ATP9A: variants seen among roughly 807,000 people sequenced by gnomAD.
ATP9A encodes probable phospholipid-transporting ATPase IIA.
Under a neutral mutation model 144.1 loss-of-function variants are expected in ATP9A, and 52 were observed. That is an observed-to-expected ratio of 0.36 (90% CI 0.29 to 0.45). The LOEUF is 0.45. Ranked by LOEUF, ATP9A falls within the 20% of genes least tolerant of loss-of-function variation. ATP9A has a pLI of 1.00. For missense variants in ATP9A, 947 were observed against 1,392.7 expected, an observed-to-expected ratio of 0.68 and a Z score of 5.09; for synonymous variants, 582 against 557.4, an observed-to-expected ratio of 1.04 and a Z score of -0.62.
rs1246920834 is a variant in ATP9A, at chr20:51,598,465, G to A, written c.*2746C>T. On this transcript the variant is annotated 3_prime_UTR_variant, in exon 28 of 28. Coordinates refer to ENST00000338821, the MANE Select transcript of ATP9A (RefSeq NM_006045.3). ...CTTACGGCCCATGGAGCTCCCAGGT[G>A]ACAGTGTCAATGGCGCTTTATGTAA... 1 of 152,160 alleles carries A rather than the reference G, an allele frequency of 6.6e-6. No homozygotes were observed. The highest frequency in any genetic ancestry group is 1.5e-5 in the Non-Finnish European group (1 of 68,028). The allele number at this position is 152,160 out of a possible 1,614,324, so 9.4% of individuals were successfully genotyped here. A position where few individuals can be genotyped will look rare whatever the true frequency, so the allele number is the denominator to read the frequency against.
chr20:51,721,903 C>T (rs555095575), intron 3 of ATP9A, among the ~76,000 whole-genome samples: 7 of 151,336 alleles, frequency 4.6e-5, no homozygotes, highest in Admixed American at 2.0e-4. Context: ...GCAAAAAGAA[C>T]AAATCTGGAG....
chr20:51,741,136 CG>C (rs1568843819), intron 1 of ATP9A, among the ~76,000 whole-genome samples: 2 of 151,908 alleles, frequency 1.3e-5, no homozygotes, highest in African/African-American at 4.8e-5. Context: ...CCACTAACTA[CG>C]GACTAGACTG....
At position 51,745,387 on chromosome 20, in the gene ATP9A, A is replaced by G. The variant is rs531607726; in HGVS notation, c.69-15409T>C. ...GAGGAAGAAGTTATAGTGAGCCAAT[A>G]TTCTGCCACTGCACTCCAGCCAGAG... On this transcript the variant is annotated intron_variant, in intron 1 of 27. Transcript: ENST00000338821. Among the ~76,000 whole-genome samples, 4 of 151,038 alleles carry G rather than the reference A, an allele frequency of 2.6e-5. No homozygotes were observed. The East Asian group carries it at 7.8e-4, about 29-fold the overall frequency.
rs761322412 is a variant in ATP9A at position 51,639,467 on chromosome 20, G to A, written c.1544C>T (p.Thr515Ile). ...GGAAGACTGGTCTCGGCCCACCAGG[G>A]TTAAGCCCACACTTTCCGTCCACTG... is the stretch of plus-strand genomic sequence containing the variant. The part of the protein sequence containing the change: ...LVQWTESVGL[T>I]LVGRDQSSMQ... The change falls in exon 15 of 28, where the codon ACC becomes ATC. Residue 515 changes from threonine to isoleucine, a missense_variant. Thr to Ile is a moderately conservative substitution (Grantham distance 89). Transcript: ENST00000338821. 1.9e-6 allele frequency: 3 copies of A among 1,613,406 alleles called. No individual in the cohort carries two copies. Among genetic ancestry groups the A allele is most frequent in the Admixed American group, 1.7e-5 (1 of 59,914 alleles).
At chr20:51,713,199 T>C (rs1004477445) in intron 3 of ATP9A, 125 bp from the exon 4 acceptor site, 1 of 795,796 alleles carries the variant, frequency 1.3e-6, no homozygotes, top group Non-Finnish European at 2.1e-6. Context: ...GGGCAGGACC[T>C]GTGAGTTATT....
chr20:51,631,145 T>C (rs575224189), intron 15 of ATP9A, among the ~76,000 whole-genome samples: 214 of 152,378 alleles, frequency 1.4e-3, no homozygotes, highest in African/African-American at 5.1e-3. Flanking sequence ...AGCCCTTTCA[T>C]GGAACAGAAA....
At chr20:51,658,031 G>A (rs1025527009) in intron 13 of ATP9A, among the ~76,000 whole-genome samples, 1 of 152,154 alleles carries the variant, frequency 6.6e-6, no homozygotes. Flanking sequence ...GTTAAGTCTT[G>A]GAAAAATGGT....
chr20:51,714,985 T>C (rs1399675067), intron 3 of ATP9A, among the ~76,000 whole-genome samples: 1 of 152,158 alleles, frequency 6.6e-6, no homozygotes, highest in Non-Finnish European at 1.5e-5. Context: ...CCAAAATCAT[T>C]CATTTATTTT....
At chr20:51,659,841 C>T (rs1403211281) in intron 13 of ATP9A, among the ~76,000 whole-genome samples, 1 of 152,120 alleles carries the variant, frequency 6.6e-6, no homozygotes, top group Non-Finnish European at 1.5e-5. Context: ...CTGGTCACTG[C>T]GGGGACACAG....
chr20:51,653,034 C>A (rs1298358022), intron 14 of ATP9A, among the ~76,000 whole-genome samples: 1 of 149,216 alleles, frequency 6.7e-6, no homozygotes, highest in Non-Finnish European at 1.5e-5. Context: ...GTTGTGAACC[C>A]GGGAGGCAGA....
chr20:51,680,947 G>A (rs1044675539), intron 9 of ATP9A, among the ~76,000 whole-genome samples: 3 of 151,836 alleles, frequency 2.0e-5, no homozygotes, highest in Non-Finnish European at 4.4e-5. Flanking sequence ...CTCCCCTACC[G>A]CACCCCTCCC....
Position 51,751,782 on chromosome 20 carries a change from G to T in ATP9A, c.68+16520C>A, listed in dbSNP as rs529032565. Among the ~76,000 whole-genome samples the T allele has an allele frequency of 9.2e-5, 14 of 152,096 alleles. No individual in the cohort carries two copies. In the South Asian group the frequency reaches 1.9e-3, roughly 20 times the overall value. ...TTTTTGTATTTTTAGTAGAGACGGG[G>T]TTTCACCGTGTTAGCCAGGATGGTC... On this transcript the variant is annotated intron_variant, in intron 1 of 27. Coordinates refer to ENST00000338821, the MANE Select transcript of ATP9A (RefSeq NM_006045.3).
intron 9 of ATP9A, among the ~76,000 whole-genome samples, chr20:51,679,648 C>T (rs2077491836): frequency 6.6e-6 from 1 of 152,176 alleles, no homozygotes. Context: ...GCAGGCCACG[C>T]AGCCCTTTCC....
chr20:51,702,364 TCG>T (rs1943317834), intron 4 of ATP9A, among the ~76,000 whole-genome samples: 1 of 90,974 alleles, frequency 1.1e-5, no homozygotes, highest in Non-Finnish European at 2.2e-5. Context: ...GTGTGTGTGT[TCG>T]TGTGTGTGTG....
chr20:51,731,842 C>T (rs1347216715), intron 1 of ATP9A, among the ~76,000 whole-genome samples: 1 of 152,128 alleles, frequency 6.6e-6, no homozygotes, highest in Non-Finnish European at 1.5e-5. Flanking sequence ...TTTTCCCCAC[C>T]CCATGCTGTC....
In ATP9A at chr20:51,675,383, G is replaced by C. The variant is rs549834586; in HGVS notation, c.876+749C>G. ...TTAAAAATTGGAGGAGGGGTAAGCT[G>C]TGATGGTGGGTCACGGTTTGAATCA... On this transcript the variant is annotated intron_variant, in intron 10 of 27. Coordinates refer to ENST00000338821, the MANE Select transcript of ATP9A (RefSeq NM_006045.3). Among the ~76,000 whole-genome samples, 58 of 152,312 alleles carry C rather than the reference G, an allele frequency of 3.8e-4. 3 individuals carry two copies. Among genetic ancestry groups the C allele is most frequent in the Admixed American group, 3.1e-3 (47 of 15,298 alleles).
At chr20:51,726,039 C>T (rs1484955737) in intron 2 of ATP9A, 107 bp from the exon 3 acceptor site, 6 of 733,576 alleles carry the variant, frequency 8.2e-6, no homozygotes, top group East Asian at 5.3e-5. Flanking sequence ...TGCAGCCAGG[C>T]GTGGTGGTTC....
At position 51,607,682 on chromosome 20, in the gene ATP9A, C is replaced by T. The variant is rs1388662656; in HGVS notation, c.2746-98G>A. The T allele has an allele frequency of 4.6e-6, 4 of 867,010 alleles. No individual in the cohort carries two copies. The Admixed American group carries it at 6.0e-5, about 13-fold the overall frequency. 53.7% of individuals were successfully genotyped at this position (867,010 alleles called of 1,614,324 possible). ...TTATTCTCCCGCTAACGAGATAAGG[C>T]AACCCATCTGTCTTCATCAATAAAG... On this transcript the variant is annotated intron_variant, in intron 25 of 27. Coordinates refer to ENST00000338821, the MANE Select transcript of ATP9A (RefSeq NM_006045.3).
At chr20:51,612,900 G>A (rs1343248727) in intron 23 of ATP9A, among the ~76,000 whole-genome samples, 1 of 152,176 alleles carries the variant, frequency 6.6e-6, no homozygotes, top group Non-Finnish European at 1.5e-5. Context: ...GAACCGTGAT[G>A]CTGAGTCAAT....
Sources: gnomAD v4.1 joint callset for allele counts (sites outside exome capture counted in the v4.1 genomes callset) on GRCh38, gnomAD v4.1.1 for gene constraint, MANE v1.5 for transcripts, NCBI Gene and HGNC (gene_info 2026-07-23, HGNC 2026-07-21) for gene names.